Variants in BAIAP2 observed in about 807,000 individuals in gnomAD.
The protein encoded by BAIAP2 is BAR/IMD domain-containing adapter protein 2.
Under a neutral mutation model 63.0 loss-of-function variants are expected in BAIAP2, and 18 were observed. The ratio of observed to expected loss-of-function variants is 0.29; its 90% CI spans 0.20 to 0.42. BAIAP2 has a LOEUF of 0.42. Ranked by LOEUF, BAIAP2 falls within the 10% of genes least tolerant of loss-of-function variation. The pLI is 1.00. For synonymous variants in BAIAP2, 386 were observed against 307.6 expected (o/e 1.25, Z -2.67); for missense variants, 610 against 734.3 (o/e 0.83, Z 1.96).
At chr17:81,036,246 C>G (rs966127217) in intron 1 of BAIAP2, among the ~76,000 whole-genome samples, 1 of 152,220 alleles carries the variant, frequency 6.6e-6, no homozygotes. Context: ...GGAGAAACCC[C>G]TGCTCTGGGT....
chr17:81,103,787 G>C, intron 8 of BAIAP2, 64 bp downstream of exon 8: 6 of 1,574,782 alleles, frequency 3.8e-6, no homozygotes, highest in Non-Finnish European at 5.2e-6. Flanking sequence ...TTGTCAGGGC[G>C]GGGGGCCGCC....
In BAIAP2 at chr17:81,109,372, TAAAAAAAAAAAAAAAA is replaced by T. The variant is rs747875777; in HGVS notation, c.1535+871_1535+886del. 9.0e-6 allele frequency: 8 copies of T among 890,644 alleles called. No homozygotes were observed. The African/African-American group carries it at 1.7e-4, about 18-fold the overall frequency. The allele number at this position is 890,644 out of a possible 1,614,324, so 55.2% of individuals were successfully genotyped here. A position where few individuals can be genotyped will look rare whatever the true frequency, so the allele number is the denominator to read the frequency against. On this transcript the variant is annotated intron_variant, in intron 13 of 13. Coordinates refer to ENST00000428708, the MANE Select transcript of BAIAP2 (RefSeq NM_001144888.2). ...AAAGTTTGAAGAAAAAGAAAAATCTTAAAAAAAAAAAAAAAAAAAAAAAGAAAAAAAGAAAAACAGG... is the reference window on the plus strand; with the variant it reads ...AAAGTTTGAAGAAAAAGAAAAATCTTAAAAAAAGAAAAAAAGAAAAACAGG...
chr17:81,103,791 G>A, intron 8 of BAIAP2, 68 bp downstream of exon 8: 1 of 1,577,234 alleles, frequency 6.3e-7, no homozygotes, highest in Non-Finnish European at 8.6e-7. Flanking sequence ...CAGGGCGGGG[G>A]GCCGCCAGGG....
chr17:81,058,688 G>A (rs1179222498), intron 3 of BAIAP2, among the ~76,000 whole-genome samples: 1 of 152,232 alleles, frequency 6.6e-6, no homozygotes, highest in Non-Finnish European at 1.5e-5. Context: ...AGCCTGAGTC[G>A]CTGGAGAAAC....
At chr17:81,066,431 G>A (rs761870234) in intron 3 of BAIAP2, among the ~76,000 whole-genome samples, 3 of 152,228 alleles carry the variant, frequency 2.0e-5, no homozygotes, top group Non-Finnish European at 4.4e-5. Flanking sequence ...CATAGCTGTT[G>A]GCTGCAGTGC....
chr17:81,090,732 G>A (rs1568148793), intron 6 of BAIAP2, among the ~76,000 whole-genome samples: 3 of 152,298 alleles, frequency 2.0e-5, no homozygotes, highest in East Asian at 1.9e-4. Flanking sequence ...CTGCGTACGC[G>A]CCCCCCGAGC....
intron 3 of BAIAP2, among the ~76,000 whole-genome samples, chr17:81,067,390 GGGGCCTCATGGTGGGCGGGTGGA>G (rs1166014706): frequency 6.6e-6 from 1 of 152,232 alleles, no homozygotes; most frequent in Non-Finnish European, 1.5e-5. Context: ...AGGGGGCGGG[GGGGCCTCATGGTGGGCGGGTGGA>G]GGGCCTTGTT....
At position 81,105,813 on chromosome 17, in the gene BAIAP2, G is replaced by A. The variant is rs1239082011; in HGVS notation, c.1269-265G>A. ...CGAGGCAGGAGCAACTGCTCTGCCC[G>A]GGCTCTGGGGCCTTGCAGTTGGGTC... On this transcript the variant is annotated intron_variant, in intron 10 of 13. Coordinates refer to ENST00000428708, the MANE Select transcript of BAIAP2 (RefSeq NM_001144888.2). The A allele has an allele frequency of 1.2e-5, 5 of 407,934 alleles. No individual in the cohort carries two copies. In the East Asian group the frequency reaches 1.5e-4, roughly 12 times the overall value. The allele number at this position is 407,934 out of a possible 1,614,324, so 25.3% of individuals were successfully genotyped here. A position where few individuals can be genotyped will look rare whatever the true frequency, so the allele number is the denominator to read the frequency against.
chr17:81,112,149 C>T (rs1463537678), intron 13 of BAIAP2, among the ~76,000 whole-genome samples: 1 of 152,088 alleles, frequency 6.6e-6, no homozygotes, highest in African/African-American at 2.4e-5. Context: ...TTCTGGGAGG[C>T]CTCCAGACCC....
chr17:81,098,119 T>G (rs1468401341), intron 6 of BAIAP2: 1 of 1,408,448 alleles, frequency 7.1e-7, no homozygotes, highest in Non-Finnish European at 9.3e-7. Context: ...TGGGGAGGCA[T>G]GCTCCTCCCA....
chr17:81,114,502 C>T (rs566352546), intron 13 of BAIAP2, among the ~76,000 whole-genome samples: 11 of 152,344 alleles, frequency 7.2e-5, no homozygotes, highest in African/African-American at 2.4e-4. Flanking sequence ...GCCGGGGATC[C>T]AGCAGACCCT....
chr17:81,116,273 G>A lies in BAIAP2; in HGVS notation c.*434G>A. The stretch of plus-strand genomic sequence containing the variant: ...AGGGCCAGAAGGCCGGGAGCACGGG[G>A]ATGGGAGCGCCCGCACCCTGGCTGG... On this transcript the variant is annotated 3_prime_UTR_variant, in exon 14 of 14. Transcript: ENST00000428708. 1 of 1,612,894 alleles carries A rather than the reference G, an allele frequency of 6.2e-7. No individual in the cohort carries two copies. Among genetic ancestry groups the A allele is most frequent in the Non-Finnish European group, 8.5e-7 (1 of 1,179,942 alleles).
intron 6 of BAIAP2, among the ~76,000 whole-genome samples, chr17:81,089,207 C>T (rs1360174113): frequency 6.6e-6 from 1 of 152,252 alleles, no homozygotes; most frequent in Admixed American, 6.5e-5. Context: ...TGTCCTGGCA[C>T]TTTTGAGGTC....
At chr17:81,038,863 G>T (rs1029232010) in intron 1 of BAIAP2, among the ~76,000 whole-genome samples, 1 of 150,872 alleles carries the variant, frequency 6.6e-6, no homozygotes, top group Non-Finnish European at 1.5e-5. Context: ...ACCTCCTGCT[G>T]ACAGGCACCT....
At chr17:81,087,240 C>A (rs922278532) in intron 6 of BAIAP2, among the ~76,000 whole-genome samples, 1 of 152,244 alleles carries the variant, frequency 6.6e-6, no homozygotes, top group African/African-American at 2.4e-5. Flanking sequence ...CCTGGCCAGT[C>A]ACCCAGGTAG....
chr17:81,046,122 G>A lies in BAIAP2; in HGVS notation c.55-7546G>A, dbSNP rs1289763977. ...GCTGCCGGCTCCTGCACGCCCAGCT[G>A]CAGGGGGTAAGGAGGAGGATGGTGT... On this transcript the variant is annotated intron_variant, in intron 1 of 13. Transcript: ENST00000428708. The surrounding 1 kb of genome is among the most constrained non-coding windows in gnomAD (Gnocchi z 4.5). Among the ~76,000 whole-genome samples the A allele has an allele frequency of 2.0e-5, 3 of 152,134 alleles. No homozygotes were observed. Among genetic ancestry groups the A allele is most frequent in the Non-Finnish European group, 2.9e-5 (2 of 67,990 alleles).
intron 6 of BAIAP2, among the ~76,000 whole-genome samples, chr17:81,088,842 C>T (rs933077691): frequency 1.3e-5 from 2 of 152,236 alleles, no homozygotes; most frequent in African/African-American, 2.4e-5. Flanking sequence ...AGCTGGAGAT[C>T]GCGGCGGGGT....
intron 3 of BAIAP2, among the ~76,000 whole-genome samples, chr17:81,062,301 G>T (rs1224870313): frequency 2.6e-5 from 3 of 116,744 alleles, no homozygotes; most frequent in African/African-American, 9.3e-5. Flanking sequence ...GTAGTTCAAT[G>T]GACTGATTTT....
At chr17:81,071,059 A>G (rs1246194418) in intron 3 of BAIAP2, among the ~76,000 whole-genome samples, 1 of 151,166 alleles carries the variant, frequency 6.6e-6, no homozygotes, top group Non-Finnish European at 1.5e-5. Flanking sequence ...GTGGGGAAGC[A>G]GCGTCAGCTA....
Sources: gnomAD v4.1 joint callset for allele counts (sites outside exome capture counted in the v4.1 genomes callset) on GRCh38, gnomAD v4.1.1 for gene constraint, Gnocchi (gnomAD v3.1) non-coding constraint, MANE v1.5 for transcripts, NCBI Gene and HGNC (gene_info 2026-07-23, HGNC 2026-07-21) for gene names.